KCNQ1: variants seen among roughly 807,000 people sequenced by gnomAD.
KCNQ1 encodes the protein potassium voltage-gated channel subfamily Q member 1.
KCNQ1 carries 49 observed loss-of-function variants against 72.4 expected under a neutral mutation model. The observed-to-expected ratio is 0.68, with a 90% CI of 0.54 to 0.86. The LOEUF (loss-of-function observed/expected upper bound fraction) is 0.86, where lower values mean the gene tolerates loss of function less well. KCNQ1 is among the 40% of genes least tolerant of loss of function. KCNQ1 has a pLI of 0.00. For synonymous variants in KCNQ1, 450 were observed against 412.6 expected (o/e 1.09, Z -1.10); for missense variants, 790 against 945.1 (o/e 0.84, Z 2.15).
chr11:2,461,415 C>A, intron 1 of KCNQ1: 1 of 1,275,192 alleles, frequency 7.8e-7, no homozygotes, highest in Non-Finnish European at 1.0e-6. Flanking sequence ...CTGGGTGAGC[C>A]GGCCGGGGCG....
At chr11:2,586,263 G>A (rs765638292) in intron 8 of KCNQ1, among the ~76,000 whole-genome samples, 41 of 152,332 alleles carry the variant, frequency 2.7e-4, no homozygotes, top group Non-Finnish European at 6.0e-4. Flanking sequence ...TCGTGAGCTC[G>A]CTGCCCCAGG....
chr11:2,474,938 G>C (rs1019789967), intron 1 of KCNQ1, among the ~76,000 whole-genome samples: 3 of 152,230 alleles, frequency 2.0e-5, no homozygotes, highest in Non-Finnish European at 4.4e-5. Flanking sequence ...AGCAGAGCCA[G>C]ATGGGAACCA....
At chr11:2,643,891 G>T in intron 10 of KCNQ1, 1 of 398,458 alleles carries the variant, frequency 2.5e-6, no homozygotes, top group Non-Finnish European at 4.4e-6. Context: ...GCAGGTTTTT[G>T]GTTTTGTTTT....
rs1849357715 is a variant in KCNQ1, at chr11:2,631,829, C to T, written c.1394-30132C>T. Reference sequence around the variant, plus strand: ...CCAAGGCTGAGTGTCCTGATGCTGTCGTGTAAATAGAGTTGTGTTAATAAT... The same window carrying T: ...CCAAGGCTGAGTGTCCTGATGCTGTTGTGTAAATAGAGTTGTGTTAATAAT... On this transcript the variant is annotated intron_variant, in intron 10 of 15. Coordinates refer to ENST00000155840, the MANE Select transcript of KCNQ1 (RefSeq NM_000218.3). 1.0e-5 allele frequency: 4 copies of T among 398,344 alleles called. No homozygotes were observed. The Admixed American group carries it at 1.3e-4, about 13-fold the overall frequency. The allele number at this position is 398,344 out of a possible 1,614,324, so 24.7% of individuals were successfully genotyped here.
In KCNQ1 at chr11:2,647,798, C is replaced by G. The variant is rs1010753220; in HGVS notation, c.1394-14163C>G. Reference sequence around the variant, plus strand: ...TTGACATATAGTTGTTCATAATGGTCTCTAATAATCTTTTGTATTTCTGTG... The same window carrying G: ...TTGACATATAGTTGTTCATAATGGTGTCTAATAATCTTTTGTATTTCTGTG... On this transcript the variant is annotated intron_variant, in intron 10 of 15. Transcript: ENST00000155840. The surrounding 1 kb of genome is among the most constrained non-coding windows in gnomAD (Gnocchi z 4.0). The G allele has an allele frequency of 4.3e-5, 17 of 398,218 alleles. No homozygotes were observed. Among genetic ancestry groups the G allele is most frequent in the African/African-American group, 2.7e-4 (13 of 48,552 alleles). The allele number at this position is 398,218 out of a possible 1,614,324, so 24.7% of individuals were successfully genotyped here. A position where few individuals can be genotyped will look rare whatever the true frequency, so the allele number is the denominator to read the frequency against.
chr11:2,527,623 C>T (rs1297647585), intron 1 of KCNQ1, among the ~76,000 whole-genome samples: 2 of 152,242 alleles, frequency 1.3e-5, no homozygotes, highest in African/African-American at 2.4e-5. Context: ...CTGTCCAGGG[C>T]GTAGCCACAC....
chr11:2,571,892 C>A, intron 4 of KCNQ1, 121 bp from the exon 5 acceptor site: 2 of 795,566 alleles, frequency 2.5e-6, no homozygotes, highest in South Asian at 2.9e-5. Context: ...GCCTCCCCAC[C>A]CAGAGTGGAC....
At chr11:2,648,879 G>A in intron 10 of KCNQ1, 1 of 397,812 alleles carries the variant, frequency 2.5e-6, no homozygotes, top group Non-Finnish European at 4.4e-6. Flanking sequence ...ATATACCTGG[G>A]TACTCCAGTG....
At chr11:2,525,411 C>T (rs1411288491) in intron 1 of KCNQ1, among the ~76,000 whole-genome samples, 5 of 152,224 alleles carry the variant, frequency 3.3e-5, no homozygotes, top group Admixed American at 1.3e-4. Flanking sequence ...CGCGTGCTAG[C>T]GCTGTGCGGA....
chr11:2,798,469 C>T (rs946042214), intron 15 of KCNQ1, among the ~76,000 whole-genome samples: 3 of 151,976 alleles, frequency 2.0e-5, no homozygotes, highest in Admixed American at 6.5e-5. Context: ...TCAAAAACAG[C>T]TGTAGAGGGG....
chr11:2,626,848 G>A lies in KCNQ1; in HGVS notation c.1394-35113G>A, dbSNP rs1330418559. ...TGGCCTGTAGTAAGTTTTCAAATCA[G>A]AAAGTGTGAGTCCTCCAATGTTGTT... On this transcript the variant is annotated intron_variant, in intron 10 of 15. Transcript: ENST00000155840. The surrounding 1 kb of genome is among the most constrained non-coding windows in gnomAD (Gnocchi z 4.0). The A allele has an allele frequency of 2.5e-6, 1 of 398,470 alleles. No individual in the cohort carries two copies. The highest frequency in any genetic ancestry group is 3.6e-5 in the East Asian group (1 of 28,086). 24.7% of individuals were successfully genotyped at this position (398,470 alleles called of 1,614,324 possible). A position where few individuals can be genotyped will look rare whatever the true frequency, so the allele number is the denominator to read the frequency against.
Position 2,588,140 on chromosome 11 carries a change from C to T in KCNQ1, c.1251+448C>T, listed in dbSNP as rs1848620777. On this transcript the variant is annotated intron_variant, in intron 9 of 15. Transcript: ENST00000155840. The surrounding 1 kb of genome is among the most constrained non-coding windows in gnomAD (Gnocchi z 5.6). The stretch of plus-strand genomic sequence containing the variant: ...GAGGTCACAGGGCAGTGGAGTTTGG[C>T]AGGCGCTGGGCAGAAGTCTTGTGAC... 6.6e-6 allele frequency among the ~76,000 whole-genome samples: 1 copy of T among 151,980 alleles called. No individual in the cohort carries two copies. The highest frequency in any genetic ancestry group is 6.6e-5 in the Admixed American group (1 of 15,264).
rs1057058898 is a variant in KCNQ1, at chr11:2,735,366, C to T, written c.1515-33478C>T. On this transcript the variant is annotated intron_variant, in intron 11 of 15. Transcript: ENST00000155840. The surrounding 1 kb of genome is among the most constrained non-coding windows in gnomAD (Gnocchi z 7.7). ...TGCCCGGTGGAGGGTGGGCCATGGC[C>T]GCCCCCACCTCCCCTCCCGCAAGCT... Among the ~76,000 whole-genome samples, 3 of 151,938 alleles carry T rather than the reference C, an allele frequency of 2.0e-5. No homozygotes were observed. Among genetic ancestry groups the T allele is most frequent in the African/African-American group, 4.8e-5 (2 of 41,336 alleles).
intron 1 of KCNQ1, among the ~76,000 whole-genome samples, chr11:2,480,653 C>A (rs1846637419): frequency 6.6e-6 from 1 of 152,132 alleles, no homozygotes; most frequent in Admixed American, 6.5e-5. Flanking sequence ...AGAGTTGAAT[C>A]CTGTCTGGGA....
At chr11:2,490,529 C>T (rs1846818668) in intron 1 of KCNQ1, among the ~76,000 whole-genome samples, 1 of 152,218 alleles carries the variant, frequency 6.6e-6, no homozygotes, top group South Asian at 2.1e-4. Flanking sequence ...GTGGTGGCCA[C>T]AGGTAAGCTT....
rs1184610918 is a variant in KCNQ1, at chr11:2,659,106, G to C, written c.1394-2855G>C. On this transcript the variant is annotated intron_variant, in intron 10 of 15. Transcript: ENST00000155840. The surrounding 1 kb of genome is among the most constrained non-coding windows in gnomAD (Gnocchi z 4.3). ...CATCGTAGGGTCCTCCAACATCCGG[G>C]TTAATTTTTTAAATTTGCATACAGT... The C allele has an allele frequency of 5.0e-6, 2 of 398,436 alleles. No homozygotes were observed. The highest frequency in any genetic ancestry group is 4.1e-5 in the African/African-American group (2 of 48,618). 24.7% of individuals were successfully genotyped at this position (398,436 alleles called of 1,614,324 possible).
At position 2,579,071 on chromosome 11, in the gene KCNQ1, C is replaced by T. The variant is rs574390502; in HGVS notation, c.922-4364C>T. ...CACCACATCTCCAGCCAGGACCACC[C>T]CTTCCTTCTGGGCAAATGACTACCA... On this transcript the variant is annotated intron_variant, in intron 6 of 15. Coordinates refer to ENST00000155840, the MANE Select transcript of KCNQ1 (RefSeq NM_000218.3). This position sits in a 1 kb window ranked among gnomAD's most constrained non-coding sequence, Gnocchi z 6.0. Among the ~76,000 whole-genome samples, 12 of 152,332 alleles carry T rather than the reference C, an allele frequency of 7.9e-5. No individual in the cohort carries two copies. The highest frequency in any genetic ancestry group is 2.6e-4 in the Admixed American group (4 of 15,310).
chr11:2,485,498 C>T (rs1846727572), intron 1 of KCNQ1, among the ~76,000 whole-genome samples: 1 of 152,098 alleles, frequency 6.6e-6, no homozygotes, highest in South Asian at 2.1e-4. Context: ...AGCACACTAT[C>T]AATACTCTTG....
At chr11:2,512,676 TC>T (rs1476579003) in intron 1 of KCNQ1, among the ~76,000 whole-genome samples, 1 of 152,112 alleles carries the variant, frequency 6.6e-6, no homozygotes, top group Non-Finnish European at 1.5e-5. Flanking sequence ...CTGGGCTAGG[TC>T]CCTGGGTGTC....
Sources: gnomAD v4.1 joint callset for allele counts (sites outside exome capture counted in the v4.1 genomes callset) on GRCh38, gnomAD v4.1.1 for gene constraint, Gnocchi (gnomAD v3.1) non-coding constraint, MANE v1.5 for transcripts, NCBI Gene and HGNC (gene_info 2026-07-23, HGNC 2026-07-21) for gene names.